TMX4: variants seen among roughly 807,000 people sequenced by gnomAD.
TMX4 encodes the protein thioredoxin-related transmembrane protein 4.
A neutral mutation model predicts 33.3 loss-of-function variants in TMX4; 23 were observed. The observed-to-expected ratio is 0.69, with a 90% CI of 0.50 to 0.98. The LOEUF is 0.98. Ranked by LOEUF, TMX4 falls within the 50% of genes least tolerant of loss-of-function variation. The pLI is 0.00. For synonymous variants in TMX4, 164 were observed against 161.5 expected, an observed-to-expected ratio of 1.02 and a Z score of -0.12; for missense variants, 399 against 448.9, an observed-to-expected ratio of 0.89 and a Z score of 1.01.
rs148308371 is a variant in TMX4 at position 7,983,199 on chromosome 20, T to C, written c.680-578A>G. 2.8e-4 allele frequency among the ~76,000 whole-genome samples: 42 copies of C among 152,364 alleles called. No homozygotes were observed. In the East Asian group the frequency reaches 7.5e-3, roughly 27 times the overall value. On this transcript the variant is annotated intron_variant, in intron 7 of 7. Transcript: ENST00000246024. ...CCTAAAATCCTTGATATTGGGTTTC[T>C]ATTACTTTTAAGAAATCTAAGAATC...
chr20:7,986,958 G>A (rs1385123946), intron 6 of TMX4, among the ~76,000 whole-genome samples: 1 of 150,960 alleles, frequency 6.6e-6, no homozygotes, highest in African/African-American at 2.4e-5. Context: ...AATTAAGCAG[G>A]CAATGTGTGA....
At chr20:7,988,229 G>GTAACTAC (rs2050638912) in intron 5 of TMX4, among the ~76,000 whole-genome samples, 2 of 152,124 alleles carry the variant, frequency 1.3e-5, no homozygotes, top group Admixed American at 1.3e-4. Flanking sequence ...TAAAATTCAA[G>GTAACTAC]TAACTACTGG....
chr20:7,986,897 T>C (rs1261472422), intron 6 of TMX4, among the ~76,000 whole-genome samples: 3 of 152,162 alleles, frequency 2.0e-5, no homozygotes, highest in Admixed American at 1.3e-4. Context: ...CAATCTTGCA[T>C]CTACACAAGG....
chr20:8,003,927 C>T (rs936646247), intron 2 of TMX4, among the ~76,000 whole-genome samples: 1 of 152,026 alleles, frequency 6.6e-6, no homozygotes, highest in African/African-American at 2.4e-5. Context: ...AAATGACAGC[C>T]TATGTGGAAT....
intron 2 of TMX4, among the ~76,000 whole-genome samples, chr20:8,009,017 T>C (rs2050741600): frequency 1.3e-5 from 2 of 152,172 alleles, no homozygotes; most frequent in Non-Finnish European, 2.9e-5. Flanking sequence ...AACTCACAGT[T>C]TATTATAGAA....
rs2050594399 is a variant in TMX4 at position 7,979,234 on chromosome 20, T to A, written c.*3017A>T. 1 of 151,864 alleles carries A rather than the reference T, an allele frequency of 6.6e-6. No homozygotes were observed. Among genetic ancestry groups the A allele is most frequent in the South Asian group, 2.1e-4 (1 of 4,828 alleles). The allele number at this position is 151,864 out of a possible 1,614,324, so 9.4% of individuals were successfully genotyped here. A position where few individuals can be genotyped will look rare whatever the true frequency, so the allele number is the denominator to read the frequency against. ...TGGCTTTTCTCCTTTAGTTTTATAT[T>A]CATTAAGTATTGAAAACAAACCTAA... On this transcript the variant is annotated 3_prime_UTR_variant, in exon 8 of 8. Transcript: ENST00000246024.
At chr20:8,005,209 A>G (rs547845171) in intron 2 of TMX4, among the ~76,000 whole-genome samples, 1 of 145,066 alleles carries the variant, frequency 6.9e-6, no homozygotes, top group East Asian at 2.2e-4. Flanking sequence ...CTCAAGGGTG[A>G]TGAGCAGCTG....
intron 5 of TMX4, among the ~76,000 whole-genome samples, chr20:7,993,882 T>A (rs2050665378): frequency 6.6e-6 from 1 of 152,004 alleles, no homozygotes; most frequent in Admixed American, 6.6e-5. Context: ...CACCCTACAA[T>A]CAGGACAAAT....
At chr20:7,995,082 T>C (rs548598348) in intron 5 of TMX4, among the ~76,000 whole-genome samples, 41 of 152,214 alleles carry the variant, frequency 2.7e-4, no homozygotes, top group African/African-American at 9.6e-4. Flanking sequence ...AGGCAGAATA[T>C]AAATGGAACT....
At chr20:7,985,519 T>G (rs13040200) in intron 6 of TMX4, among the ~76,000 whole-genome samples, 11,284 of 151,908 alleles carry the variant, frequency 0.074, 1,037 homozygotes, top group East Asian at 0.53. Flanking sequence ...ATGATCCACC[T>G]GCCTCAGCCT....
chr20:8,003,405 T>C (rs2050715420), intron 2 of TMX4, among the ~76,000 whole-genome samples: 1 of 152,200 alleles, frequency 6.6e-6, no homozygotes, highest in African/African-American at 2.4e-5. Context: ...AAATGTTAGG[T>C]ATCACTTAAA....
At chr20:8,006,152 C>G (rs540742820) in intron 2 of TMX4, among the ~76,000 whole-genome samples, 12 of 140,346 alleles carry the variant, frequency 8.6e-5, no homozygotes, top group Admixed American at 8.5e-4. Context: ...ACAGCCTGCC[C>G]GTCTGCATGT....
At chr20:7,990,304 A>T (rs2050649040) in intron 5 of TMX4, among the ~76,000 whole-genome samples, 2 of 152,048 alleles carry the variant, frequency 1.3e-5, no homozygotes. Context: ...CAAAAAAAAA[A>T]AAAATCTTAG....
At chr20:8,000,603 T>C (rs1008121200) in intron 3 of TMX4, among the ~76,000 whole-genome samples, 1 of 152,164 alleles carries the variant, frequency 6.6e-6, no homozygotes, top group African/African-American at 2.4e-5. Flanking sequence ...TCCATTTCCT[T>C]CACTCACTGT....
intron 5 of TMX4, among the ~76,000 whole-genome samples, chr20:7,991,074 G>T (rs2050652586): frequency 6.6e-6 from 1 of 152,168 alleles, no homozygotes; most frequent in African/African-American, 2.4e-5. Context: ...TAGTCTAAAT[G>T]TTCATGGCTT....
chr20:8,014,296 A>T (rs1477260186), intron 1 of TMX4, among the ~76,000 whole-genome samples: 1 of 152,222 alleles, frequency 6.6e-6, no homozygotes, highest in African/African-American at 2.4e-5. Context: ...GTCCTAGGCC[A>T]CCACAATAAA....
chr20:8,003,916 C>T (rs548394398), intron 2 of TMX4, among the ~76,000 whole-genome samples: 45 of 152,206 alleles, frequency 3.0e-4, no homozygotes, highest in Admixed American at 9.8e-4. Context: ...AATATTTCTT[C>T]AAATGACAGC....
intron 4 of TMX4, 110 bp from the exon 5 acceptor site, chr20:7,996,181 C>T: frequency 1.3e-6 from 1 of 768,760 alleles, no homozygotes; most frequent in Non-Finnish European, 2.1e-6. Flanking sequence ...CTAAATATTG[C>T]CCCCTCTCCC....
intron 2 of TMX4, among the ~76,000 whole-genome samples, chr20:8,004,055 T>C (rs1252485229): frequency 2.0e-5 from 3 of 151,794 alleles, no homozygotes; most frequent in East Asian, 3.9e-4. Context: ...TCCAGAACAG[T>C]CGAAGTCTTC....
Sources: allele counts gnomAD v4.1 joint callset (sites outside exome capture counted in the v4.1 genomes callset), GRCh38; gene constraint gnomAD v4.1.1; transcripts MANE v1.5; gene names NCBI Gene and HGNC (gene_info 2026-07-23, HGNC 2026-07-21).